EIF4G3: variants seen among roughly 807,000 people sequenced by gnomAD.
EIF4G3 encodes the protein eIF-4-gamma 3.
EIF4G3 carries 34 observed loss-of-function variants against 186.4 expected under a neutral mutation model. That is an observed-to-expected ratio of 0.18 (90% CI 0.14 to 0.24). The LOEUF is 0.24. EIF4G3 is among the 10% of genes least tolerant of loss of function. The pLI is 1.00. For missense variants in EIF4G3, 1,536 were observed against 1,948.5 expected (o/e 0.79, Z 3.99); for synonymous variants, 673 against 679.5 (o/e 0.99, Z 0.15).
intron 34 of EIF4G3, among the ~76,000 whole-genome samples, chr1:20,816,100 G>A (rs1327525717): frequency 2.4e-4 from 32 of 134,326 alleles, no homozygotes; most frequent in Non-Finnish European, 4.3e-4. Context: ...AAGGGAGGTG[G>A]GGGGATCAGC....
At chr1:21,127,077 G>C (rs2097060301) in intron 2 of EIF4G3, among the ~76,000 whole-genome samples, 1 of 152,018 alleles carries the variant, frequency 6.6e-6, no homozygotes, top group South Asian at 2.1e-4. Context: ...CGACCTCTCA[G>C]GCTCAAGCAA....
At chr1:20,936,173 T>C (rs2095511329) in intron 14 of EIF4G3, among the ~76,000 whole-genome samples, 1 of 152,200 alleles carries the variant, frequency 6.6e-6, no homozygotes. Flanking sequence ...CCAGCATCAG[T>C]ATTTTCCAAG....
intron 2 of EIF4G3, among the ~76,000 whole-genome samples, chr1:21,096,051 C>T (rs1052694175): frequency 1.3e-5 from 2 of 152,180 alleles, no homozygotes; most frequent in Admixed American, 1.3e-4. Flanking sequence ...TACAATCAAT[C>T]CATATGGCAA....
chr1:20,997,665 GA>G, intron 6 of EIF4G3, 32 bp from the exon 7 acceptor site: 1 of 1,524,442 alleles, frequency 6.6e-7, no homozygotes, highest in Non-Finnish European at 8.8e-7. Flanking sequence ...AACACAAAAG[GA>G]AAGGCACAAA....
chr1:21,018,631 G>A (rs561776230), intron 4 of EIF4G3, among the ~76,000 whole-genome samples: 18 of 152,166 alleles, frequency 1.2e-4, no homozygotes, highest in South Asian at 2.1e-4. Context: ...ATTGAAATGT[G>A]ACCCCCAATG....
rs761278824 is a variant in EIF4G3, at chr1:20,941,895, T to C, written c.1259A>G (p.Glu420Gly). 4 of 1,614,228 alleles carry C rather than the reference T, an allele frequency of 2.5e-6. No individual in the cohort carries two copies. In the East Asian group the frequency reaches 8.9e-5, roughly 36 times the overall value. The change falls in exon 14 of 37, where the codon GAA becomes GGA. Residue 420 changes from glutamate to glycine, a missense_variant. Transcript: ENST00000602326. The stretch of plus-strand genomic sequence containing the variant: ...AATGCTCTCCGTGGCTGATAATTTT[T>C]CGCTAACTCCATTTATTTCATTAAT... Reference protein sequence around the residue: ...NLINEINGVSEKLSATESIVE... With the variant: ...NLINEINGVSGKLSATESIVE...
At chr1:20,831,715 G>A (rs1250322732) in intron 30 of EIF4G3, among the ~76,000 whole-genome samples, 2 of 148,574 alleles carry the variant, frequency 1.3e-5, no homozygotes, top group East Asian at 2.0e-4. Context: ...CCACTAACTC[G>A]TCATCTAGCA....
At position 20,942,120 on chromosome 1, in the gene EIF4G3, C is replaced by G. The variant is rs1355319206; in HGVS notation, c.1034G>C (p.Ser345Thr). The G allele has an allele frequency of 6.2e-7, 1 of 1,613,958 alleles. No homozygotes were observed. Among genetic ancestry groups the G allele is most frequent in the Non-Finnish European group, 8.5e-7 (1 of 1,180,012 alleles). ...TATAGCAGTGGTGAATATTGGTTGG[C>G]TACTAAGAGCAGAAGAGGTGGGGGC... ...IAAPTSSALS[S>T]QPIFTTAIDD... The change falls in exon 14 of 37, where the codon AGC (serine) becomes ACC (threonine). Residue 345 changes from serine to threonine, a missense_variant. By Grantham distance (58) the Ser-to-Thr change is moderately conservative (BLOSUM62 1). Coordinates refer to ENST00000602326, the MANE Select transcript of EIF4G3 (RefSeq NM_001391906.1).
intron 34 of EIF4G3, among the ~76,000 whole-genome samples, chr1:20,814,069 C>G (rs2059853506): frequency 6.7e-6 from 1 of 149,878 alleles, no homozygotes; most frequent in Admixed American, 6.7e-5. Flanking sequence ...GCCTCAGCCT[C>G]CTGAGTAGCT....
At position 20,806,746 on chromosome 1, in the gene EIF4G3, T is replaced by C. The variant is rs2058173838; in HGVS notation, c.*573A>G. The C allele has an allele frequency of 6.6e-6, 1 of 152,436 alleles. No homozygotes were observed. Among genetic ancestry groups the C allele is most frequent in the Non-Finnish European group, 1.5e-5 (1 of 68,016 alleles). 9.4% of individuals were successfully genotyped at this position (152,436 alleles called of 1,614,324 possible). Reference sequence around the variant, plus strand: ...ATGTTTTGATTACTATTGTGATTTTTTAAATTTTCTGAAGCAAGCTGAGAG... The same window carrying C: ...ATGTTTTGATTACTATTGTGATTTTCTAAATTTTCTGAAGCAAGCTGAGAG... On this transcript the variant is annotated 3_prime_UTR_variant, in exon 37 of 37. Transcript: ENST00000602326.
At chr1:21,155,347 G>A (rs7522722) in intron 2 of EIF4G3, among the ~76,000 whole-genome samples, 55,521 of 149,662 alleles carry the variant, frequency 0.37, 10,868 homozygotes, top group Non-Finnish European at 0.43. Flanking sequence ...AACTGAAACA[G>A]TTCCTTTTCT....
chr1:21,012,308 A>C (rs2087380435), intron 4 of EIF4G3, among the ~76,000 whole-genome samples: 1 of 152,178 alleles, frequency 6.6e-6, no homozygotes, highest in African/African-American at 2.4e-5. Context: ...AGGCACCTGC[A>C]ACCTCATGAG....
chr1:21,087,033 G>GA (rs1216119547), intron 3 of EIF4G3, among the ~76,000 whole-genome samples: 2 of 151,872 alleles, frequency 1.3e-5, no homozygotes, highest in Non-Finnish European at 2.9e-5. Flanking sequence ...ACTCTTGAAA[G>GA]AGAGAGCATT....
rs1204203138 is a variant in EIF4G3 at position 21,027,584 on chromosome 1, C to T, written c.-67+23282G>A. ...GGCAGAGGTTGCAGTGAGCCGAGAT[C>T]GCCCCACTGCACTTCAACTTGGGCA... On this transcript the variant is annotated intron_variant, in intron 4 of 36. Transcript: ENST00000602326. 3.3e-5 allele frequency among the ~76,000 whole-genome samples: 5 copies of T among 151,856 alleles called. No homozygotes were observed. The East Asian group carries it at 9.8e-4, about 30-fold the overall frequency.
chr1:21,140,447 G>A (rs2097317683), intron 2 of EIF4G3, among the ~76,000 whole-genome samples: 2 of 152,074 alleles, frequency 1.3e-5, no homozygotes, highest in African/African-American at 4.8e-5. Flanking sequence ...CTAAATAGCT[G>A]GGACTACAGG....
intron 4 of EIF4G3, among the ~76,000 whole-genome samples, chr1:21,050,016 T>C (rs1557704939): frequency 1.3e-5 from 2 of 152,236 alleles, no homozygotes; most frequent in African/African-American, 4.8e-5. Context: ...TCTCCTATTA[T>C]TCAATCTCTA....
intron 2 of EIF4G3, among the ~76,000 whole-genome samples, chr1:21,167,157 T>C (rs2097868955): frequency 6.6e-6 from 1 of 152,184 alleles, no homozygotes; most frequent in Non-Finnish European, 1.5e-5. Flanking sequence ...ATCATCTCAT[T>C]TAACCTTCAA....
intron 29 of EIF4G3, among the ~76,000 whole-genome samples, chr1:20,844,487 T>C (rs1394236106): frequency 6.6e-6 from 1 of 152,138 alleles, no homozygotes; most frequent in Non-Finnish European, 1.5e-5. Flanking sequence ...GTCTACTTTT[T>C]AGTGTGTGTT....
chr1:20,999,357 A>G (rs1343746120), intron 6 of EIF4G3: 2 of 399,142 alleles, frequency 5.0e-6, no homozygotes, highest in South Asian at 1.8e-5. Flanking sequence ...TCATACTTCT[A>G]CTATGGACAA....
Sources: allele counts gnomAD v4.1 joint callset (sites outside exome capture counted in the v4.1 genomes callset), GRCh38; gene constraint gnomAD v4.1.1; transcripts MANE v1.5; gene names NCBI Gene and HGNC (gene_info 2026-07-23, HGNC 2026-07-21).